Variants in MINDY2 observed in about 807,000 individuals in gnomAD.
The protein encoded by MINDY2 is ubiquitin carboxyl-terminal hydrolase MINDY-2.
Under a neutral mutation model 68.2 loss-of-function variants are expected in MINDY2, and 52 were observed. The ratio of observed to expected loss-of-function variants is 0.76; its 90% CI spans 0.61 to 0.96. The LOEUF (loss-of-function observed/expected upper bound fraction) is 0.96. Ranked by LOEUF, MINDY2 falls within the 40% of genes least tolerant of loss-of-function variation. The probability of loss-of-function intolerance (pLI) is 0.00; values close to 1 mark genes in which losing one functional copy is unlikely to be tolerated. For missense variants in MINDY2, 881 were observed against 773.4 expected, an observed-to-expected ratio of 1.14 and a Z score of -1.65; for synonymous variants, 372 against 303.0, an observed-to-expected ratio of 1.23 and a Z score of -2.36.
Position 58,861,501 on chromosome 15 carries a change from T to A in MINDY2, c.*6891T>A, listed in dbSNP as rs559218754. ...CCCTAGAGATTCATAGGAAAGAGCA[T>A]TGAAATACATTTTTTGCATAAAGAT... On this transcript the variant is annotated 3_prime_UTR_variant, in exon 9 of 9. Coordinates refer to ENST00000559228, the MANE Select transcript of MINDY2 (RefSeq NM_001040450.3). 1 of 152,346 alleles carries A rather than the reference T, an allele frequency of 6.6e-6. No individual in the cohort carries two copies. Among genetic ancestry groups the A allele is most frequent in the South Asian group, 2.1e-4 (1 of 4,834 alleles). The allele number at this position is 152,346 out of a possible 1,614,324, so 9.4% of individuals were successfully genotyped here.
rs1301302446 is a variant in MINDY2 at position 58,821,809 on chromosome 15, G to A, written c.1215G>A (p.Leu405=). Residue 405 remains leucine, a synonymous_variant, in exon 5 of 9, where the codon CTG becomes CTA. Coordinates refer to ENST00000559228, the MANE Select transcript of MINDY2 (RefSeq NM_001040450.3). ...GTAAACAGTCAGACAATAGTGAGCT[G>A]GTTAGTGAAGGTGGGTGAGTGCTGC... is the stretch of plus-strand genomic sequence containing the variant. ...ISCKQSDNSE[L]VSEGFVAEQF... is the part of the protein sequence containing the mutation. The A allele has an allele frequency of 3.2e-6, 5 of 1,582,110 alleles. No homozygotes were observed. Among genetic ancestry groups the A allele is most frequent in the Non-Finnish European group, 4.3e-6 (5 of 1,167,804 alleles).
intron 6 of MINDY2, among the ~76,000 whole-genome samples, chr15:58,836,792 A>ATT (rs1230027454): frequency 6.7e-6 from 1 of 148,922 alleles, no homozygotes; most frequent in African/African-American, 2.5e-5. Flanking sequence ...CCAATTTAAA[A>ATT]TTTTTTTTTT....
chr15:58,798,266 G>A (rs1024802593), intron 2 of MINDY2, among the ~76,000 whole-genome samples: 1 of 151,478 alleles, frequency 6.6e-6, no homozygotes, highest in Non-Finnish European at 1.5e-5. Flanking sequence ...ACAGGCGCCC[G>A]CCACCATGCC....
At chr15:58,805,825 C>T (rs1902968603) in intron 3 of MINDY2, among the ~76,000 whole-genome samples, 1 of 152,152 alleles carries the variant, frequency 6.6e-6, no homozygotes, top group Admixed American at 6.5e-5. Context: ...CCTGTAATCC[C>T]AGCACTTTGG....
At chr15:58,774,659 A>T (rs573123247) in intron 1 of MINDY2, among the ~76,000 whole-genome samples, 33 of 152,086 alleles carry the variant, frequency 2.2e-4, no homozygotes, top group Non-Finnish European at 4.1e-4. Context: ...TGGGGAGGGG[A>T]TTATCAAGGG....
chr15:58,836,671 T>G (rs2141031352), intron 6 of MINDY2, among the ~76,000 whole-genome samples: 1 of 152,298 alleles, frequency 6.6e-6, no homozygotes, highest in East Asian at 1.9e-4. Context: ...CAGGCTTGAG[T>G]GCGCTGCTGC....
intron 2 of MINDY2, 56 bp downstream of exon 2, chr15:58,788,019 A>G: frequency 8.2e-6 from 10 of 1,218,820 alleles, no homozygotes; most frequent in Non-Finnish European, 1.1e-5. Flanking sequence ...TTTCAAAGCT[A>G]GTTGATTACC....
intron 6 of MINDY2, among the ~76,000 whole-genome samples, chr15:58,845,448 G>A (rs1364742371): frequency 1.3e-5 from 2 of 152,082 alleles, no homozygotes; most frequent in African/African-American, 4.8e-5. Flanking sequence ...ATGTGAAAAG[G>A]TGCTGAACAT....
intron 2 of MINDY2, among the ~76,000 whole-genome samples, chr15:58,797,893 T>G (rs1902389488): frequency 6.6e-6 from 1 of 152,162 alleles, no homozygotes; most frequent in African/African-American, 2.4e-5. Flanking sequence ...AGGATGAGAT[T>G]GGTGCAAAAA....
intron 6 of MINDY2, among the ~76,000 whole-genome samples, chr15:58,846,627 C>A (rs2032551809): frequency 6.6e-6 from 1 of 150,624 alleles, no homozygotes; most frequent in African/African-American, 2.4e-5. Flanking sequence ...CTCATGTAAC[C>A]CACAAATACA....
At chr15:58,787,374 T>G (rs532409824) in intron 1 of MINDY2, among the ~76,000 whole-genome samples, 2 of 152,220 alleles carry the variant, frequency 1.3e-5, no homozygotes, top group African/African-American at 4.8e-5. Flanking sequence ...GTTTTTAAGC[T>G]TTGCATTACT....
rs748620361 is a variant in MINDY2, at chr15:58,771,763, T to G, written c.368T>G (p.Leu123Trp). 1 of 1,611,168 alleles carries G rather than the reference T, an allele frequency of 6.2e-7. No individual in the cohort carries two copies. The highest frequency in any genetic ancestry group is 8.5e-7 in the Non-Finnish European group (1 of 1,179,356). The part of the protein sequence containing the change: ...ETAVAGVGHE[L>W]GTAGDAGARP... Reference sequence around the variant, plus strand: ...GCCGTGGCCGGAGTGGGTCATGAGTTGGGTACCGCCGGAGACGCGGGAGCC... The same window carrying G: ...GCCGTGGCCGGAGTGGGTCATGAGTGGGGTACCGCCGGAGACGCGGGAGCC... Residue 123 changes from leucine to tryptophan, a missense_variant, in exon 1 of 9, where the codon TTG becomes TGG. Physicochemically the swap from Leu to Trp is moderately conservative, Grantham distance 61. Transcript: ENST00000559228.
chr15:58,807,353 CTTTTTTTTTT>C lies in MINDY2; in HGVS notation c.964-2866_964-2857del, dbSNP rs58768604. ...GCTTAGAAAAGCATTTTAAAATAGT[CTTTTTTTTTT>C]TTTTTTTTTTGAGACCGAGTCTTGC... is the stretch of plus-strand genomic sequence containing the variant. On this transcript the variant is annotated intron_variant, in intron 3 of 8. Transcript: ENST00000559228. Among the ~76,000 whole-genome samples, 5 of 109,056 alleles carry C rather than the reference CTTTTTTTTTT, an allele frequency of 4.6e-5. No homozygotes were observed. The East Asian group carries it at 1.1e-3, about 24-fold the overall frequency. The allele number at this position is 109,056 out of a possible 152,430, so 71.5% of individuals were successfully genotyped here.
Position 58,810,355 on chromosome 15 carries a change from T to C in MINDY2, c.1089T>C (p.Ile363=). ...GCATAGTATTTGATCTTCTTGATATTCCTTTGTACCATGGGTGGTTAGTAG... is the reference window on the plus strand; with the variant it reads ...GCATAGTATTTGATCTTCTTGATATCCCTTTGTACCATGGGTGGTTAGTAG... The part of the protein sequence containing the change: ...PECIVFDLLD[I]PLYHGWLVDP... Residue 363 remains isoleucine (I), a synonymous_variant, in exon 4 of 9, where the codon ATT becomes ATC. Transcript: ENST00000559228. 1 of 1,610,134 alleles carries C rather than the reference T, an allele frequency of 6.2e-7. No homozygotes were observed. Among genetic ancestry groups the C allele is most frequent in the South Asian group, 1.1e-5 (1 of 89,820 alleles).
At chr15:58,845,864 A>G (rs978998774) in intron 6 of MINDY2, among the ~76,000 whole-genome samples, 3 of 152,252 alleles carry the variant, frequency 2.0e-5, no homozygotes, top group Admixed American at 2.0e-4. Flanking sequence ...CTATTCACAC[A>G]CAAAACAGAA....
At chr15:58,847,001 G>T (rs1246882011) in intron 6 of MINDY2, among the ~76,000 whole-genome samples, 1 of 151,988 alleles carries the variant, frequency 6.6e-6, no homozygotes, top group Non-Finnish European at 1.5e-5. Context: ...TTTCTATTTT[G>T]TGAAATGAGA....
intron 1 of MINDY2, among the ~76,000 whole-genome samples, chr15:58,785,153 A>G (rs997360502): frequency 1.9e-4 from 26 of 140,498 alleles, no homozygotes; most frequent in African/African-American, 5.9e-4. Context: ...AAAAAAAAAA[A>G]AAAAAGAAAA....
chr15:58,806,822 G>GA (rs1194243796), intron 3 of MINDY2, among the ~76,000 whole-genome samples: 1 of 152,110 alleles, frequency 6.6e-6, no homozygotes, highest in Non-Finnish European at 1.5e-5. Flanking sequence ...ACACTTAAGG[G>GA]AAAAAATGTA....
At position 58,859,126 on chromosome 15, in the gene MINDY2, A is replaced by G. The variant is rs545174067; in HGVS notation, c.*4516A>G. ...GTCAAAATTTGTAGAATTTTCTTTG[A>G]GTATGGCGTGATCTCTTCCCAAATG... On this transcript the variant is annotated 3_prime_UTR_variant, in exon 9 of 9. Coordinates refer to ENST00000559228, the MANE Select transcript of MINDY2 (RefSeq NM_001040450.3). 1.3e-5 allele frequency: 2 copies of G among 152,208 alleles called. No homozygotes were observed. Among genetic ancestry groups the G allele is most frequent in the East Asian group, 3.9e-4 (2 of 5,192 alleles). The allele number at this position is 152,208 out of a possible 1,614,324, so 9.4% of individuals were successfully genotyped here. A position where few individuals can be genotyped will look rare whatever the true frequency, so the allele number is the denominator to read the frequency against.
Sources: gnomAD v4.1 joint callset for allele counts (sites outside exome capture counted in the v4.1 genomes callset) on GRCh38, gnomAD v4.1.1 for gene constraint, MANE v1.5 for transcripts, NCBI Gene and HGNC (gene_info 2026-07-23, HGNC 2026-07-21) for gene names.